The following GABRG2 variants were observed in gnomAD, a reference collection of about 807,000 sequenced individuals.
The protein encoded by GABRG2 is gamma-aminobutyric acid receptor subunit gamma-2.
GABRG2 carries 16 observed loss-of-function variants against 56.4 expected under a neutral mutation model. That is an observed-to-expected ratio of 0.28 (90% confidence interval 0.19 to 0.43). GABRG2 has a LOEUF of 0.43. Ranked by LOEUF, GABRG2 falls within the 20% of genes least tolerant of loss-of-function variation. The pLI is 1.00. For missense variants in GABRG2, 327 were observed against 582.7 expected, an observed-to-expected ratio of 0.56 and a Z score of 4.52; for synonymous variants, 208 against 205.5, an observed-to-expected ratio of 1.01 and a Z score of -0.10.
chr5:162,125,432 A>C (rs1763274620), intron 6 of GABRG2, among the ~76,000 whole-genome samples: 1 of 143,438 alleles, frequency 7.0e-6, no homozygotes, highest in African/African-American at 3.0e-5. Flanking sequence ...ATTTCCCACC[A>C]AGATTTTGGA....
chr5:162,147,458 G>A (rs111359060), intron 7 of GABRG2, among the ~76,000 whole-genome samples: 3,333 of 151,864 alleles, frequency 0.022, 119 homozygotes, highest in African/African-American at 0.074. Flanking sequence ...CCCGCCTCCC[G>A]TGTTCAAGTG....
intron 6 of GABRG2, among the ~76,000 whole-genome samples, chr5:162,133,218 C>A (rs531768593): frequency 6.6e-6 from 1 of 152,194 alleles, no homozygotes; most frequent in African/African-American, 2.4e-5. Context: ...AATCGACTGT[C>A]CTCAAAAAGC....
intron 1 of GABRG2, among the ~76,000 whole-genome samples, chr5:162,069,206 G>A (rs929968573): frequency 6.6e-6 from 1 of 152,032 alleles, no homozygotes; most frequent in African/African-American, 2.4e-5. Flanking sequence ...CACCTTCCCC[G>A]CTCTCCAAGC....
intron 1 of GABRG2, 65 bp downstream of exon 1, chr5:162,068,171 T>G: frequency 2.8e-6 from 3 of 1,089,210 alleles, no homozygotes; most frequent in Non-Finnish European, 4.2e-6. Flanking sequence ...TGGGGAGGGG[T>G]AACTCGGGAG....
At chr5:162,096,325 T>C (rs1760991728) in intron 3 of GABRG2, among the ~76,000 whole-genome samples, 1 of 152,086 alleles carries the variant, frequency 6.6e-6, no homozygotes, top group Admixed American at 6.6e-5. Flanking sequence ...ATTCTAAATA[T>C]CTAAGAAGTA....
At chr5:162,143,152 C>T (rs1764706071) in intron 7 of GABRG2, among the ~76,000 whole-genome samples, 2 of 152,094 alleles carry the variant, frequency 1.3e-5, no homozygotes, top group East Asian at 1.9e-4. Context: ...TGTGAAATCA[C>T]CCAAGGAGGA....
rs1444287073 is a variant in GABRG2, at chr5:162,151,761, G to T, written c.1152+8G>T. 1.2e-6 allele frequency: 2 copies of T among 1,608,470 alleles called. No individual in the cohort carries two copies. Among genetic ancestry groups the T allele is most frequent in the Admixed American group, 1.7e-5 (1 of 59,798 alleles). On this transcript the variant is annotated splice_region_variant and intron_variant, in intron 9 of 9. Transcript: ENST00000639213. ...CGGATGTTTTCCTTCAAGGTATAAT[G>T]TTTTTGGAATGGAAATTCACTGCAT...
At chr5:162,078,388 TATATA>T (rs1293280438) in intron 1 of GABRG2, among the ~76,000 whole-genome samples, 6,813 of 52,474 alleles carry the variant, frequency 0.13, 1,020 homozygotes, top group Non-Finnish European at 0.18. Flanking sequence ...TATATATATA[TATATA>T]TATATTTTTT....
chr5:162,068,014 T>TA lies in GABRG2; in HGVS notation c.16dup (p.Ile6AsnfsTer34). 6.2e-7 allele frequency: 1 copy of TA among 1,610,024 alleles called. No homozygotes were observed. The highest frequency in any genetic ancestry group is 8.5e-7 in the Non-Finnish European group (1 of 1,178,128). On this transcript the variant is annotated frameshift_variant, in exon 1 of 10. Transcript: ENST00000639213. LOFTEE classifies it high-confidence loss of function. ...AAAAAAAAGCGATGAGTTCGCCAAA[T>TA]ATATGGAGCACAGGAAGCTCAGTCT...
chr5:162,149,338 C>A, intron 8 of GABRG2, 25 bp downstream of exon 8: 1 of 1,608,324 alleles, frequency 6.2e-7, no homozygotes, highest in Non-Finnish European at 8.5e-7. Context: ...CCATTGGCAC[C>A]ATTGAAATTT....
In GABRG2 at chr5:162,083,130, C is replaced by A. The variant is rs373799653; in HGVS notation, c.108-10698C>A. ...TAGTGTATGAAAATGAAAATTTAAT[C>A]AACTATCTGAAAAATTTTGCTCCAC... On this transcript the variant is annotated intron_variant, in intron 1 of 9. Transcript: ENST00000639213. Among the ~76,000 whole-genome samples the A allele has an allele frequency of 2.6e-4, 39 of 151,814 alleles. No individual in the cohort carries two copies. In the South Asian group the frequency reaches 7.7e-3, roughly 30 times the overall value.
rs1415854808 is a variant in GABRG2, at chr5:162,149,293, G to T, written c.1108G>T (p.Asp370Tyr). Residue 370 changes from aspartate (D) to tyrosine (Y), a missense_variant, in exon 8 of 10, where the codon GAT becomes TAT. Physicochemically the swap from Asp to Tyr is radical, Grantham distance 160 (BLOSUM62 -3). Transcript: ENST00000639213. ...VSNRKPSKDK[D>Y]KKKKNPLLRM... is the part of the protein sequence containing the mutation. Reference sequence around the variant, plus strand: ...CAACCGGAAACCAAGCAAGGACAAAGATAAAAAGAAGAAAAACCCTGTATG... The same window carrying T: ...CAACCGGAAACCAAGCAAGGACAAATATAAAAAGAAGAAAAACCCTGTATG... The T allele has an allele frequency of 1.9e-5, 31 of 1,613,998 alleles. No individual in the cohort carries two copies. Among genetic ancestry groups the T allele is most frequent in the Non-Finnish European group, 2.5e-5 (30 of 1,180,026 alleles).
In GABRG2 at chr5:162,151,671, T is replaced by A. The variant is rs1765381404; in HGVS notation, c.1129-59T>A. ...CTTGTCTCTCTCTTTTTTTTTCATT[T>A]TTTTTCTCCTTTTTATTAAAAACAA... is the stretch of plus-strand genomic sequence containing the variant. On this transcript the variant is annotated intron_variant, in intron 8 of 9. Transcript: ENST00000639213. 2.8e-6 allele frequency: 4 copies of A among 1,418,490 alleles called. No homozygotes were observed. In the South Asian group the frequency reaches 5.0e-5, roughly 18 times the overall value. 87.9% of individuals were successfully genotyped at this position (1,418,490 alleles called of 1,614,324 possible).
chr5:162,093,834 T>C lies in GABRG2; in HGVS notation c.114T>C (p.Thr38=). 6.2e-7 allele frequency: 1 copy of C among 1,612,970 alleles called. No individual in the cohort carries two copies. The highest frequency in any genetic ancestry group is 1.3e-5 in the African/African-American group (1 of 74,978). The stretch of plus-strand genomic sequence containing the variant: ...CCAATATGTTTTTTCTTAGCTTCAC[T>C]AGCCAGAAATCTGATGATGACTATG... The part of the protein sequence containing the change: ...LLLLSLYPGF[T]SQKSDDDYED... The change falls in exon 2 of 10, where the codon ACT becomes ACC. Residue 38 remains threonine, a synonymous_variant. Coordinates refer to ENST00000639213, the MANE Select transcript of GABRG2 (RefSeq NM_198904.4).
At chr5:162,125,344 G>C (rs527668248) in intron 6 of GABRG2, among the ~76,000 whole-genome samples, 3 of 151,588 alleles carry the variant, frequency 2.0e-5, no homozygotes, top group Non-Finnish European at 4.4e-5. Context: ...CCTTTCTGTA[G>C]TGTCTGATTT....
At chr5:162,131,782 G>C (rs1763775512) in intron 6 of GABRG2, among the ~76,000 whole-genome samples, 1 of 151,902 alleles carries the variant, frequency 6.6e-6, no homozygotes, top group African/African-American at 2.4e-5. Context: ...TGTTCGTACT[G>C]CCCTTCCAAA....
chr5:162,133,373 AT>A (rs1462162462), intron 6 of GABRG2, among the ~76,000 whole-genome samples: 2 of 152,072 alleles, frequency 1.3e-5, no homozygotes, highest in Non-Finnish European at 2.9e-5. Flanking sequence ...ACTTACTCGC[AT>A]TTCTGTACCT....
At chr5:162,101,861 C>A (rs1761445386) in intron 5 of GABRG2, 1 of 156,674 alleles carries the variant, frequency 6.4e-6, no homozygotes, top group Non-Finnish European at 1.4e-5. Flanking sequence ...CCATGATGAT[C>A]TAACACAGAT....
intron 1 of GABRG2, among the ~76,000 whole-genome samples, chr5:162,090,038 A>T (rs1472743267): frequency 2.0e-5 from 3 of 152,162 alleles, no homozygotes; most frequent in Non-Finnish European, 2.9e-5. Context: ...GTTGTGTTTT[A>T]TAAGCCACTT....
Sources: gnomAD v4.1 joint callset for allele counts (sites outside exome capture counted in the v4.1 genomes callset) on GRCh38, gnomAD v4.1.1 for gene constraint, MANE v1.5 for transcripts, NCBI Gene and HGNC (gene_info 2026-07-23, HGNC 2026-07-21) for gene names.